TECRL: variants seen among roughly 807,000 people sequenced by gnomAD.
TECRL encodes trans-2,3-enoyl-CoA reductase-like.
TECRL carries 63 observed loss-of-function variants against 52.8 expected under a neutral mutation model. The observed-to-expected ratio is 1.19, with a 90% CI of 0.97 to 1.47. The LOEUF is 1.47. Ranked by LOEUF, TECRL falls within the 40% of genes most tolerant of loss-of-function variation. The probability of loss-of-function intolerance (pLI) is 0.00; values close to 1 mark genes in which losing one functional copy is unlikely to be tolerated. For missense variants in TECRL, 482 were observed against 429.6 expected, an observed-to-expected ratio of 1.12 and a Z score of -1.08; for synonymous variants, 164 against 141.9, an observed-to-expected ratio of 1.16 and a Z score of -1.10.
Position 64,306,438 on chromosome 4 carries a change from T to C in TECRL, c.658-1200A>G, listed in dbSNP as rs75338360. Reference sequence around the variant, plus strand: ...CAGTCCCTGACACCCCATTAGGGTGTTGGATAAAGATTTCCAGTATTTTAT... The same window carrying C: ...CAGTCCCTGACACCCCATTAGGGTGCTGGATAAAGATTTCCAGTATTTTAT... On this transcript the variant is annotated intron_variant, in intron 6 of 11. Transcript: ENST00000381210. 9.3e-3 allele frequency among the ~76,000 whole-genome samples: 1,419 copies of C among 152,250 alleles called. 18 individuals are homozygous for C. Among genetic ancestry groups the C allele is most frequent in the African/African-American group, 0.032 (1,320 of 41,548 alleles).
intron 7 of TECRL, among the ~76,000 whole-genome samples, chr4:64,304,529 G>A (rs1350642447): frequency 6.6e-6 from 1 of 151,994 alleles, no homozygotes; most frequent in Non-Finnish European, 1.5e-5. Flanking sequence ...AAATAAATGA[G>A]AAATCATTTA....
intron 2 of TECRL, among the ~76,000 whole-genome samples, chr4:64,352,464 T>C (rs2109578527): frequency 6.6e-6 from 1 of 152,340 alleles, no homozygotes; most frequent in South Asian, 2.1e-4. Flanking sequence ...GCATGATTCA[T>C]AATAATATTG....
intron 2 of TECRL, 84 bp downstream of exon 2, chr4:64,375,088 C>T (rs1722301296): frequency 3.2e-6 from 2 of 621,306 alleles, no homozygotes; most frequent in South Asian, 2.6e-5. Context: ...TACACTCTAA[C>T]ATATATTGCA....
At chr4:64,382,228 TA>T (rs1560545451) in intron 1 of TECRL, among the ~76,000 whole-genome samples, 1 of 3,072 alleles carries the variant, frequency 3.3e-4, no homozygotes, top group African/African-American at 3.8e-4. Flanking sequence ...TATATATATA[TA>T]TATATAGTAT....
At chr4:64,288,453 A>G (rs551174163) in intron 9 of TECRL, among the ~76,000 whole-genome samples, 1 of 152,124 alleles carries the variant, frequency 6.6e-6, no homozygotes, top group Non-Finnish European at 1.5e-5. Context: ...AGAGGTGAAA[A>G]AGCTCGATAA....
intron 2 of TECRL, among the ~76,000 whole-genome samples, chr4:64,338,129 A>C (rs1336137225): frequency 6.6e-6 from 1 of 152,130 alleles, no homozygotes; most frequent in African/African-American, 2.4e-5. Flanking sequence ...ATAATACCAC[A>C]CATCTACAAC....
chr4:64,314,470 C>G (rs1172228404), intron 5 of TECRL, among the ~76,000 whole-genome samples, 178 bp downstream of exon 5: 1 of 152,104 alleles, frequency 6.6e-6, no homozygotes, highest in Non-Finnish European at 1.5e-5. Flanking sequence ...GGTGTACATA[C>G]ACTATGTGTG....
chr4:64,289,812 A>AT lies in TECRL; in HGVS notation c.775-46dup, dbSNP rs754658916. 4 of 1,290,224 alleles carry AT rather than the reference A, an allele frequency of 3.1e-6. No homozygotes were observed. In the Admixed American group the frequency reaches 8.5e-5, roughly 27 times the overall value. The allele number at this position is 1,290,224 out of a possible 1,614,324, so 79.9% of individuals were successfully genotyped here. ...CTTTCAGTGTGATACACCTCTGCCT[A>AT]TTTTTTAAAAAAACATATTCTAGAG... On this transcript the variant is annotated intron_variant, in intron 8 of 11. Transcript: ENST00000381210.
At chr4:64,340,803 T>C (rs747629367) in intron 2 of TECRL, among the ~76,000 whole-genome samples, 3 of 152,150 alleles carry the variant, frequency 2.0e-5, no homozygotes, top group Non-Finnish European at 4.4e-5. Context: ...TGTGAACTTG[T>C]GGTGTCTTTT....
At chr4:64,379,237 CACACACACAT>C (rs979617314) in intron 1 of TECRL, among the ~76,000 whole-genome samples, 4 of 107,312 alleles carry the variant, frequency 3.7e-5, no homozygotes, top group Admixed American at 1.2e-4. Flanking sequence ...TGCAAACACA[CACACACACAT>C]ACACACACAC....
Position 64,409,153 on chromosome 4 carries a change from C to T in TECRL, c.199G>A (p.Ala67Thr), listed in dbSNP as rs1481758728. The part of the protein sequence containing the change: ...TTHFEIEIFD[A>T]QTRKQICILD... The stretch of plus-strand genomic sequence containing the variant: ...ATACATATCTGTTTCCTTGTTTGAG[C>T]ATCAAATATTTCAATCTCAAAGTGA... Residue 67 changes from alanine (A) to threonine (T), a missense_variant, in exon 1 of 12, where the codon GCT (alanine) becomes ACT (threonine). Coordinates refer to ENST00000381210, the MANE Select transcript of TECRL (RefSeq NM_001010874.5). 1.2e-6 allele frequency: 2 copies of T among 1,612,868 alleles called. No homozygotes were observed. Among genetic ancestry groups the T allele is most frequent in the Non-Finnish European group, 1.7e-6 (2 of 1,179,546 alleles).
chr4:64,288,828 C>T lies in TECRL; in HGVS notation c.832+882G>A, dbSNP rs138418964. 4.4e-4 allele frequency among the ~76,000 whole-genome samples: 67 copies of T among 152,262 alleles called. No individual in the cohort carries two copies. The East Asian group carries it at 0.012, about 28-fold the overall frequency. On this transcript the variant is annotated intron_variant, in intron 9 of 11. Coordinates refer to ENST00000381210, the MANE Select transcript of TECRL (RefSeq NM_001010874.5). ...TGCAATGTCTGCAGCCAACATTGGT[C>T]AACAGAAAGGACCCAATTCTTCTCC...
At chr4:64,325,455 T>C (rs1486404019) in intron 3 of TECRL, among the ~76,000 whole-genome samples, 1 of 152,120 alleles carries the variant, frequency 6.6e-6, no homozygotes, top group Non-Finnish European at 1.5e-5. Context: ...TTCAGTTCAG[T>C]CAACACTCTG....
intron 2 of TECRL, among the ~76,000 whole-genome samples, chr4:64,350,832 C>G (rs1286415789): frequency 6.6e-6 from 1 of 151,664 alleles, no homozygotes; most frequent in East Asian, 2.0e-4. Context: ...TTCTGTTTCT[C>G]TAGAAACTCC....
chr4:64,323,034 G>T (rs1289090661), intron 3 of TECRL, among the ~76,000 whole-genome samples: 1 of 152,018 alleles, frequency 6.6e-6, no homozygotes, highest in Non-Finnish European at 1.5e-5. Context: ...ACTACCATTA[G>T]TTACTATCCT....
Position 64,401,426 on chromosome 4 carries a change from A to G in TECRL, c.234+7692T>C, listed in dbSNP as rs1040355417. 4.6e-5 allele frequency among the ~76,000 whole-genome samples: 7 copies of G among 152,200 alleles called. No individual in the cohort carries two copies. The South Asian group carries it at 1.5e-3, about 32-fold the overall frequency. ...GACCTCAACCAGGCTAATGTTCTAT[A>G]CTATATACTTTTCAAGATCCTTTCA... On this transcript the variant is annotated intron_variant, in intron 1 of 11. Transcript: ENST00000381210.
intron 2 of TECRL, among the ~76,000 whole-genome samples, chr4:64,369,931 A>G (rs1300317939): frequency 6.6e-6 from 1 of 151,890 alleles, no homozygotes; most frequent in Admixed American, 6.6e-5. Flanking sequence ...CATTGTGATT[A>G]ACTATAATAT....
chr4:64,404,747 A>G (rs145980331), intron 1 of TECRL, among the ~76,000 whole-genome samples: 21 of 152,232 alleles, frequency 1.4e-4, no homozygotes, highest in African/African-American at 4.8e-4. Flanking sequence ...GAATTTGAGC[A>G]GTAGGTAAAA....
At chr4:64,394,707 T>C (rs904341466) in intron 1 of TECRL, among the ~76,000 whole-genome samples, 4 of 151,766 alleles carry the variant, frequency 2.6e-5, no homozygotes, top group Non-Finnish European at 5.9e-5. Context: ...TGGAGGAGAG[T>C]AAAATGGAAA....
Sources: allele counts gnomAD v4.1 joint callset (sites outside exome capture counted in the v4.1 genomes callset), GRCh38; gene constraint gnomAD v4.1.1; transcripts MANE v1.5; gene names NCBI Gene and HGNC (gene_info 2026-07-23, HGNC 2026-07-21).